The following PHF20L1 variants were observed in gnomAD, a reference collection of about 807,000 sequenced individuals.
The protein encoded by PHF20L1 is PHD finger protein 20 like 1.
Under a neutral mutation model 125.5 loss-of-function variants are expected in PHF20L1, and 44 were observed. The ratio of observed to expected loss-of-function variants is 0.35; its 90% CI spans 0.28 to 0.45. The LOEUF is 0.45. PHF20L1 is among the 20% of genes least tolerant of loss of function. The pLI is 1.00. For missense variants in PHF20L1, 1,012 were observed against 1,217.2 expected (o/e 0.83, Z 2.51); for synonymous variants, 380 against 403.1 (o/e 0.94, Z 0.69).
Position 132,845,978 on chromosome 8 carries a change from T to C in PHF20L1, c.*55T>C, listed in dbSNP as rs1838396732. On this transcript the variant is annotated 3_prime_UTR_variant, in exon 21 of 21. Coordinates refer to ENST00000395386, the MANE Select transcript of PHF20L1 (RefSeq NM_016018.5). ...GCTTTCTTCAGTCAAAGCATTTTTA[T>C]TATCCACGTGATGGCTAAGTGGATA... The C allele has an allele frequency of 1.4e-6, 2 of 1,401,768 alleles. No individual in the cohort carries two copies. Among genetic ancestry groups the C allele is most frequent in the African/African-American group, 2.8e-5 (2 of 70,594 alleles). The allele number at this position is 1,401,768 out of a possible 1,614,324, so 86.8% of individuals were successfully genotyped here.
At chr8:132,812,865 A>C in intron 9 of PHF20L1, 2 of 981,344 alleles carry the variant, frequency 2.0e-6, no homozygotes, top group Non-Finnish European at 2.4e-6. Flanking sequence ...GTCAAAACTT[A>C]CTGTGCTAAT....
intron 15 of PHF20L1, among the ~76,000 whole-genome samples, chr8:132,833,782 G>A (rs1039813357): frequency 6.6e-6 from 1 of 152,086 alleles, no homozygotes; most frequent in Non-Finnish European, 1.5e-5. Flanking sequence ...TCTGTTCTTA[G>A]TCTCTGCCCT....
intron 12 of PHF20L1, among the ~76,000 whole-genome samples, chr8:132,822,783 T>C (rs934731041): frequency 2.6e-5 from 4 of 151,970 alleles, no homozygotes; most frequent in Admixed American, 6.6e-5. Context: ...ATTTGAGTGG[T>C]ATTTTTATAT....
At chr8:132,809,711 T>G (rs1162677467) in intron 8 of PHF20L1, 1 of 152,034 alleles carries the variant, frequency 6.6e-6, no homozygotes, top group African/African-American at 2.4e-5. Context: ...GAGCAAAGTT[T>G]TTGTGTGGCC....
Position 132,846,041 on chromosome 8 carries a change from T to G in PHF20L1, c.*118T>G. On this transcript the variant is annotated 3_prime_UTR_variant, in exon 21 of 21. Transcript: ENST00000395386. ...AGTAATGTCTGGTCATTCACTGATT[T>G]GTGATGTCAATAGGATGGCACCTTG... 1.3e-6 allele frequency: 1 copy of G among 743,916 alleles called. No individual in the cohort carries two copies. Among genetic ancestry groups the G allele is most frequent in the Non-Finnish European group, 2.2e-6 (1 of 464,278 alleles). 46.1% of individuals were successfully genotyped at this position (743,916 alleles called of 1,614,324 possible).
At position 132,814,790 on chromosome 8, in the gene PHF20L1, T is replaced by C. The variant is rs1834774833; in HGVS notation, c.1084T>C (p.Cys362Arg). The part of the protein sequence containing the change: ...CKHESGDSSG[C>R]IKPPKSPLSP... ...ACATGAATCTGGAGATTCTTCTGGG[T>C]GTATAAAACCCCCTAAATCACCACT... is the stretch of plus-strand genomic sequence containing the variant. Residue 362 changes from cysteine (C) to arginine (R), a missense_variant, in exon 10 of 21, where the codon TGT becomes CGT. Coordinates refer to ENST00000395386, the MANE Select transcript of PHF20L1 (RefSeq NM_016018.5). 2 of 1,612,782 alleles carry C rather than the reference T, an allele frequency of 1.2e-6. No individual in the cohort carries two copies. Among genetic ancestry groups the C allele is most frequent in the Non-Finnish European group, 1.7e-6 (2 of 1,179,122 alleles).
rs140217004 is a variant in PHF20L1 at position 132,842,331 on chromosome 8, C to T, written c.2388-184C>T. On this transcript the variant is annotated intron_variant, in intron 18 of 20. Coordinates refer to ENST00000395386, the MANE Select transcript of PHF20L1 (RefSeq NM_016018.5). Reference sequence around the variant, plus strand: ...GTTATTGCTTTTCTGAGTATTATTTCTTTAATTGAGAAGATTCAAATTTTG... The same window carrying T: ...GTTATTGCTTTTCTGAGTATTATTTTTTTAATTGAGAAGATTCAAATTTTG... 1.3e-3 allele frequency: 609 copies of T among 466,952 alleles called. 6 individuals carry two copies. Among genetic ancestry groups the T allele is most frequent in the African/African-American group, 0.011 (566 of 50,176 alleles). The allele number at this position is 466,952 out of a possible 1,614,324, so 28.9% of individuals were successfully genotyped here.
chr8:132,817,598 A>C (rs781438683), intron 12 of PHF20L1, 53 bp downstream of exon 12: 14 of 1,240,050 alleles, frequency 1.1e-5, no homozygotes, highest in Non-Finnish European at 3.4e-6. Context: ...CTAGGCTTGC[A>C]GTTATTAGGT....
At position 132,794,893 on chromosome 8, in the gene PHF20L1, T is replaced by C; in HGVS notation, c.340+76T>C. Reference sequence around the variant, plus strand: ...TCACTGTATTTTAAATTTTAATTAGTGTGTGTTATGTAATCATTACGTATA... The same window carrying C: ...TCACTGTATTTTAAATTTTAATTAGCGTGTGTTATGTAATCATTACGTATA... On this transcript the variant is annotated intron_variant, in intron 4 of 20. Coordinates refer to ENST00000395386, the MANE Select transcript of PHF20L1 (RefSeq NM_016018.5). 5 of 869,096 alleles carry C rather than the reference T, an allele frequency of 5.8e-6. 1 individual carries two copies. In the South Asian group the frequency reaches 7.5e-5, roughly 13 times the overall value. 53.8% of individuals were successfully genotyped at this position (869,096 alleles called of 1,614,324 possible).
Position 132,802,659 on chromosome 8 carries a change from G to A in PHF20L1, c.508-1160G>A, listed in dbSNP as rs118024810. The stretch of plus-strand genomic sequence containing the variant: ...TTGAATGTGTTAAGTGCAATCACAT[G>A]ATGTTTTCAGTTAGTTGCAATTATG... On this transcript the variant is annotated intron_variant, in intron 6 of 20. Transcript: ENST00000395386. 1.7e-3 allele frequency among the ~76,000 whole-genome samples: 254 copies of A among 151,894 alleles called. 1 individual carries two copies. Among genetic ancestry groups the A allele is most frequent in the Non-Finnish European group, 2.8e-3 (190 of 67,814 alleles).
At chr8:132,843,127 G>A (rs1838095499) in intron 19 of PHF20L1, 1 of 1,157,136 alleles carries the variant, frequency 8.6e-7, no homozygotes, top group Admixed American at 4.3e-5. Flanking sequence ...AATTGTATAA[G>A]TACATTTCGA....
chr8:132,843,701 A>G, intron 19 of PHF20L1: 1 of 984,178 alleles, frequency 1.0e-6, no homozygotes, highest in Middle Eastern at 5.2e-4. Context: ...TCATTGATTT[A>G]CTGTACTATA....
chr8:132,793,995 T>G (rs1480578529), intron 2 of PHF20L1, among the ~76,000 whole-genome samples: 1 of 152,176 alleles, frequency 6.6e-6, no homozygotes, highest in African/African-American at 2.4e-5. Flanking sequence ...GATATATCAT[T>G]GTTTGTGTAG....
Position 132,825,318 on chromosome 8 carries a change from A to T in PHF20L1, c.1691A>T (p.Tyr564Phe). 6.7e-7 allele frequency: 1 copy of T among 1,501,218 alleles called. No homozygotes were observed. The highest frequency in any genetic ancestry group is 1.2e-5 in the South Asian group (1 of 85,910). The allele number at this position is 1,501,218 out of a possible 1,614,324, so 93.0% of individuals were successfully genotyped here. ...AGAGAGAAGAGAGACAAAGATCACT[A>T]CAGACCAAAACAGAAGAAGAAGAAA... is the stretch of plus-strand genomic sequence containing the variant. ...ERREKRDKDH[Y>F]RPKQKKKKKK... is the part of the protein sequence containing the mutation. The change falls in exon 14 of 21, where the codon TAC (tyrosine) becomes TTC (phenylalanine). Residue 564 changes from tyrosine (Y) to phenylalanine (F), a missense_variant. Physicochemically the swap from Tyr to Phe is conservative, Grantham distance 22. Transcript: ENST00000395386.
intron 6 of PHF20L1, 120 bp from the exon 7 acceptor site, chr8:132,803,698 AT>A (rs1317641856): frequency 3.3e-6 from 2 of 615,382 alleles, no homozygotes; most frequent in Non-Finnish European, 5.8e-6. Flanking sequence ...TTATCTCTAT[AT>A]TTATGTTTAT....
intron 15 of PHF20L1, among the ~76,000 whole-genome samples, chr8:132,834,232 A>T (rs890843896): frequency 1.3e-5 from 2 of 152,160 alleles, no homozygotes; most frequent in African/African-American, 4.8e-5. Flanking sequence ...TTTGTGGAGA[A>T]TATGATAAAT....
intron 14 of PHF20L1, chr8:132,826,824 T>A (rs1459374007): frequency 2.0e-5 from 3 of 152,024 alleles, no homozygotes; most frequent in Non-Finnish European, 2.9e-5. Context: ...TTTGTGCTAT[T>A]GATATTCTTT....
intron 15 of PHF20L1, among the ~76,000 whole-genome samples, chr8:132,832,817 A>G (rs1836919501): frequency 6.6e-6 from 1 of 152,130 alleles, no homozygotes; most frequent in African/African-American, 2.4e-5. Flanking sequence ...TCTTAAATAA[A>G]CATTTATGGT....
intron 14 of PHF20L1, among the ~76,000 whole-genome samples, chr8:132,830,416 C>T (rs1325326239): frequency 6.6e-6 from 1 of 152,066 alleles, no homozygotes; most frequent in African/African-American, 2.4e-5. Context: ...GGGTTTAGGA[C>T]ATAGACATTT....
Sources: gnomAD v4.1 joint callset for allele counts (sites outside exome capture counted in the v4.1 genomes callset) on GRCh38, gnomAD v4.1.1 for gene constraint, MANE v1.5 for transcripts, NCBI Gene and HGNC (gene_info 2026-07-23, HGNC 2026-07-21) for gene names.